KIR2DL4: variants seen among roughly 807,000 people sequenced by gnomAD.
The protein encoded by KIR2DL4 is killer cell immunoglobulin like receptor, two Ig domains and long cytoplasmic tail 4.
In KIR2DL4, 41 loss-of-function variants were observed where a neutral mutation model predicts 31.0. The ratio of observed to expected loss-of-function variants is 1.32; its 90% CI spans 1.03 to 1.72. The LOEUF is 1.72. KIR2DL4 is among the 40% of genes most tolerant of loss of function. The probability of loss-of-function intolerance (pLI) is 0.00; values close to 1 mark genes in which losing one functional copy is unlikely to be tolerated. For missense variants in KIR2DL4, 438 were observed against 353.7 expected, an observed-to-expected ratio of 1.24 and a Z score of -1.91; for synonymous variants, 164 against 133.6, an observed-to-expected ratio of 1.23 and a Z score of -1.57.
At chr19:54,809,449 T>A (rs1040348102) in intron 5 of KIR2DL4, among the ~76,000 whole-genome samples, 1 of 151,050 alleles carries the variant, frequency 6.6e-6, no homozygotes, top group Non-Finnish European at 1.5e-5. Flanking sequence ...TTCCACAAGC[T>A]TCGTGGATGG....
Position 54,805,089 on chromosome 19 carries a change from C to G in KIR2DL4, c.361+12C>G. On this transcript the variant is annotated intron_variant, in intron 3 of 7. Coordinates refer to ENST00000359085, the Ensembl canonical transcript of KIR2DL4. ...GATCATGGTCACAGGTCAGAGGGCT[C>G]CTGTCTGGGCTTCTCCTTGTCCCAC... 1 of 1,583,974 alleles carries G rather than the reference C, an allele frequency of 6.3e-7. No homozygotes were observed. The highest frequency in any genetic ancestry group is 8.6e-7 in the Non-Finnish European group (1 of 1,168,654).
At chr19:54,813,287 A>G in intron 6 of KIR2DL4, 3 of 1,596,728 alleles carry the variant, frequency 1.9e-6, no homozygotes. Context: ...GCAGGATGGG[A>G]GCACGCAGGT....
rs187597433 is a variant in KIR2DL4, at chr19:54,813,718, G to A, written c.*17G>A. The A allele has an allele frequency of 6.3e-5, 102 of 1,611,432 alleles. 4 individuals are homozygous for A. The East Asian group carries it at 1.9e-3, about 29-fold the overall frequency. On this transcript the variant is annotated 3_prime_UTR_variant, in exon 7 of 8. Coordinates refer to ENST00000359085, the Ensembl canonical transcript of KIR2DL4. ...CTGCTGTAATGAACCAAGAGCCTGC[G>A]GGACACAGAACAGTGAACAGGGAGG...
exon 8 of KIR2DL4, chr19:54,813,873 C>T (rs1261831524): frequency 6.2e-7 from 1 of 1,612,354 alleles, no homozygotes; most frequent in African/African-American, 1.3e-5. Context: ...CAGGAGGTGA[C>T]ATACGCACAG....
In KIR2DL4 at chr19:54,810,549, C is replaced by T. The variant is rs540977253; in HGVS notation, c.706+1666C>T. The stretch of plus-strand genomic sequence containing the variant: ...AATAGATCAACCCCTGGAAGATTGG[C>T]GGAAGGATTTTCCACACAGCTGTCA... On this transcript the variant is annotated intron_variant, in intron 5 of 7. Transcript: ENST00000359085. 2.0e-4 allele frequency among the ~76,000 whole-genome samples: 31 copies of T among 151,508 alleles called. No individual in the cohort carries two copies. In the East Asian group the frequency reaches 4.4e-3, roughly 22 times the overall value.
At position 54,812,585 on chromosome 19, in the gene KIR2DL4, AC is replaced by A. The variant is rs2060927485; in HGVS notation, c.707-539del. On this transcript the variant is annotated intron_variant, in intron 5 of 7. Coordinates refer to ENST00000359085, the Ensembl canonical transcript of KIR2DL4. ...TTTGGCTCACTGATCTGCACGCTGT[AC>A]TAGAAGCAGGACACTACCATCTATT... is the stretch of plus-strand genomic sequence containing the variant. Among the ~76,000 whole-genome samples the A allele has an allele frequency of 1.3e-5, 2 of 149,852 alleles. 1 individual carries two copies. The highest frequency in any genetic ancestry group is 5.0e-5 in the African/African-American group (2 of 40,094).
exon 8 of KIR2DL4, chr19:54,814,464 T>A: frequency 3.3e-6 from 1 of 303,904 alleles, no homozygotes; most frequent in Non-Finnish European, 6.2e-6. Flanking sequence ...CCTTATAAAA[T>A]TTTTTTGATT....
intron 4 of KIR2DL4, among the ~76,000 whole-genome samples, chr19:54,807,224 T>C (rs1418994707): frequency 2.0e-5 from 3 of 150,558 alleles, no homozygotes; most frequent in Non-Finnish European, 2.9e-5. Context: ...ATGGATGAGT[T>C]GTCTCCATTG....
At chr19:54,814,114 G>C (rs1322586541) in exon 8 of KIR2DL4, 2 of 1,609,882 alleles carry the variant, frequency 1.2e-6, no homozygotes, top group African/African-American at 2.7e-5. Flanking sequence ...GAATCTGAAG[G>C]CGTGAGTCTC....
At position 54,813,691 on chromosome 19, in the gene KIR2DL4, T is replaced by G. The variant is rs200479581; in HGVS notation, c.812T>G (p.Met271Arg). ...TTTGATTGCTTCCGTCTCCTACAGATGCTGCTGTAATGAACCAAGAGCCTG... is the reference window on the plus strand; with the variant it reads ...TTTGATTGCTTCCGTCTCCTACAGAGGCTGCTGTAATGAACCAAGAGCCTG... The change falls in exon 7 of 8, where the codon ATG becomes AGG. Residue 271 changes from methionine to arginine, a missense_variant and splice_region_variant. Coordinates refer to ENST00000359085, the Ensembl canonical transcript of KIR2DL4. The G allele has an allele frequency of 8.9e-4, 1,429 of 1,611,784 alleles. 17 individuals carry two copies. The highest frequency in any genetic ancestry group is 1.1e-3 in the Non-Finnish European group (1,356 of 1,179,538).
intron 5 of KIR2DL4, among the ~76,000 whole-genome samples, chr19:54,810,634 T>G (rs2060807143): frequency 6.6e-6 from 1 of 151,206 alleles, no homozygotes; most frequent in Non-Finnish European, 1.5e-5. Context: ...CTGCCTGAAA[T>G]GCTGGGAATG....
At chr19:54,804,833 T>C in exon 3 of KIR2DL4, 1 of 1,612,386 alleles carries the variant, frequency 6.2e-7, no homozygotes, top group Non-Finnish European at 8.5e-7. Flanking sequence ...GGCCCAGCGC[T>C]GTGGTGCCTC....
chr19:54,812,390 G>A (rs2060914113), intron 5 of KIR2DL4, among the ~76,000 whole-genome samples: 1 of 151,258 alleles, frequency 6.6e-6, no homozygotes, highest in Non-Finnish European at 1.5e-5. Flanking sequence ...GGAGCCACAG[G>A]GAACACTCAG....
At chr19:54,804,825 C>T (rs2060401831) in exon 3 of KIR2DL4, 1 of 1,612,162 alleles carries the variant, frequency 6.2e-7, no homozygotes, top group South Asian at 1.1e-5. Flanking sequence ...CTCTGCCTGG[C>T]CCAGCGCTGT....
chr19:54,808,380 G>T (rs1936307443), intron 4 of KIR2DL4, among the ~76,000 whole-genome samples: 1 of 151,336 alleles, frequency 6.6e-6, no homozygotes, highest in Non-Finnish European at 1.5e-5. Flanking sequence ...TTTTGTGTAT[G>T]GTGAGAGGTA....
chr19:54,808,860 C>G, exon 5 of KIR2DL4: 1 of 1,604,570 alleles, frequency 6.2e-7, no homozygotes, highest in Non-Finnish European at 8.5e-7. Context: ...TGGCCTTCAC[C>G]CACTGAACCA....
intron 5 of KIR2DL4, 113 bp downstream of exon 5, chr19:54,808,996 A>C (rs1235447719): frequency 2.3e-6 from 2 of 879,294 alleles, no homozygotes; most frequent in East Asian, 2.4e-5. Flanking sequence ...CCTGTCTTCC[A>C]TTGTCTCTGA....
chr19:54,805,835 A>T, intron 3 of KIR2DL4, 116 bp from the exon 4 acceptor site: 9 of 479,212 alleles, frequency 1.9e-5, no homozygotes, highest in African/African-American at 2.2e-5. Context: ...GTGGAGGGTG[A>T]GAGAGAGAGA....
chr19:54,810,567 A>C (rs1372120115), intron 5 of KIR2DL4, among the ~76,000 whole-genome samples: 1 of 151,658 alleles, frequency 6.6e-6, no homozygotes. Flanking sequence ...TTTTCCACAC[A>C]GCTGTCAGCC....
Sources: gnomAD v4.1 joint callset for allele counts (sites outside exome capture counted in the v4.1 genomes callset) on GRCh38, gnomAD v4.1.1 for gene constraint, MANE v1.5 for transcripts, NCBI Gene and HGNC (gene_info 2026-07-23, HGNC 2026-07-21) for gene names.